Variants in CNTNAP2 observed in about 807,000 individuals in gnomAD.
CNTNAP2 encodes the protein contactin-associated protein-like 2.
A neutral mutation model predicts 155.2 loss-of-function variants in CNTNAP2; 98 were observed. The observed-to-expected ratio is 0.63, with a 90% CI of 0.54 to 0.75. The LOEUF is 0.75. CNTNAP2 is among the 30% of genes least tolerant of loss of function. CNTNAP2 has a pLI of 0.00. For synonymous variants in CNTNAP2, 651 were observed against 631.2 expected, an observed-to-expected ratio of 1.03 and a Z score of -0.47; for missense variants, 1,727 against 1,688.1, an observed-to-expected ratio of 1.02 and a Z score of -0.40.
chr7:146,821,556 G>A (rs568020078), intron 2 of CNTNAP2, among the ~76,000 whole-genome samples: 3 of 152,022 alleles, frequency 2.0e-5, no homozygotes, highest in African/African-American at 4.8e-5. Flanking sequence ...GGGAGAAAAT[G>A]TTCGCAACCT....
At chr7:147,545,029 A>G (rs1799706375) in intron 11 of CNTNAP2, among the ~76,000 whole-genome samples, 1 of 152,164 alleles carries the variant, frequency 6.6e-6, no homozygotes, top group African/African-American at 2.4e-5. Flanking sequence ...ACACACACAT[A>G]CACGTACTCA....
intron 8 of CNTNAP2, among the ~76,000 whole-genome samples, chr7:147,216,913 TA>T (rs1413203075): frequency 1.5e-4 from 23 of 152,064 alleles, no homozygotes; most frequent in Admixed American, 1.1e-3. Flanking sequence ...GGATTTTTCA[TA>T]AGCATTTCAT....
At chr7:146,359,844 A>C (rs1795057191) in intron 1 of CNTNAP2, among the ~76,000 whole-genome samples, 1 of 152,106 alleles carries the variant, frequency 6.6e-6, no homozygotes, top group Non-Finnish European at 1.5e-5. Context: ...GAAGTTTTGC[A>C]GCAGCAATAG....
chr7:147,080,040 A>G (rs927060129), intron 4 of CNTNAP2, among the ~76,000 whole-genome samples: 4 of 138,270 alleles, frequency 2.9e-5, no homozygotes, highest in Non-Finnish European at 6.1e-5. Flanking sequence ...GCTCTCTTAT[A>G]TACTAATTGG....
chr7:147,083,786 T>C (rs934741904), intron 4 of CNTNAP2, among the ~76,000 whole-genome samples: 1 of 105,134 alleles, frequency 9.5e-6, no homozygotes, highest in Non-Finnish European at 2.2e-5. Context: ...ATGTATATAT[T>C]ATATATACAT....
intron 15 of CNTNAP2, among the ~76,000 whole-genome samples, chr7:147,988,549 G>A (rs1043279957): frequency 4.6e-5 from 7 of 151,710 alleles, no homozygotes; most frequent in African/African-American, 1.7e-4. Flanking sequence ...TTATTTGTAG[G>A]GCATGACTCC....
intron 5 of CNTNAP2, among the ~76,000 whole-genome samples, chr7:147,119,152 A>G (rs1042121051): frequency 2.0e-5 from 3 of 152,182 alleles, no homozygotes; most frequent in African/African-American, 7.2e-5. Flanking sequence ...GTGCACACAC[A>G]CACACTGCAG....
chr7:146,845,293 A>G (rs933256326), intron 3 of CNTNAP2, among the ~76,000 whole-genome samples: 1 of 152,184 alleles, frequency 6.6e-6, no homozygotes, highest in African/African-American at 2.4e-5. Flanking sequence ...GTTAGCCTGT[A>G]ATTAGCCATC....
rs539061528 is a variant in CNTNAP2 at position 146,729,437 on chromosome 7, G to A, written c.98-44834G>A. 5.9e-5 allele frequency among the ~76,000 whole-genome samples: 9 copies of A among 152,038 alleles called. 1 individual carries two copies. In the South Asian group the frequency reaches 1.9e-3, roughly 32 times the overall value. On this transcript the variant is annotated intron_variant, in intron 1 of 23. Transcript: ENST00000361727. ...ACCTAGGAGGTTACTGAAGCAGTCAGTGCTAAACTATTTGTATTAAGAAAA... is the reference window on the plus strand; with the variant it reads ...ACCTAGGAGGTTACTGAAGCAGTCAATGCTAAACTATTTGTATTAAGAAAA...
intron 20 of CNTNAP2, among the ~76,000 whole-genome samples, chr7:148,257,678 G>C (rs981308135): frequency 9.9e-5 from 15 of 152,134 alleles, no homozygotes; most frequent in African/African-American, 1.7e-4. Flanking sequence ...AAGTTGCACT[G>C]AAATCAAGAC....
At chr7:147,391,207 G>A (rs1415845052) in intron 9 of CNTNAP2, among the ~76,000 whole-genome samples, 1 of 152,144 alleles carries the variant, frequency 6.6e-6, no homozygotes, top group Non-Finnish European at 1.5e-5. Flanking sequence ...GAGAAAATAA[G>A]AGAGACAAGT....
chr7:147,587,848 A>C (rs1448564212), intron 12 of CNTNAP2, among the ~76,000 whole-genome samples: 3 of 152,068 alleles, frequency 2.0e-5, no homozygotes, highest in African/African-American at 7.2e-5. Context: ...CCATCATAGC[A>C]TTGTTAGGGG....
chr7:146,332,797 T>G (rs958182055), intron 1 of CNTNAP2, among the ~76,000 whole-genome samples: 3 of 152,150 alleles, frequency 2.0e-5, no homozygotes, highest in Non-Finnish European at 2.9e-5. Flanking sequence ...TAGATTCTTG[T>G]CTGATTTTTA....
intron 1 of CNTNAP2, among the ~76,000 whole-genome samples, chr7:146,200,594 A>G (rs1393688032): frequency 6.6e-6 from 1 of 152,162 alleles, no homozygotes; most frequent in African/African-American, 2.4e-5. Flanking sequence ...GTTTTTAGAT[A>G]CACTAATGCT....
intron 3 of CNTNAP2, among the ~76,000 whole-genome samples, chr7:146,940,566 G>T (rs1272630239): frequency 6.6e-6 from 1 of 151,978 alleles, no homozygotes. Flanking sequence ...CTGTGTGTAT[G>T]TATTACCATA....
chr7:148,109,368 GTTT>G (rs1188288496), intron 15 of CNTNAP2, among the ~76,000 whole-genome samples: 3 of 144,100 alleles, frequency 2.1e-5, no homozygotes, highest in Non-Finnish European at 4.5e-5. Flanking sequence ...GTTTTGTTTT[GTTT>G]TGTTTTGTTT....
chr7:146,556,909 C>T (rs1798207036), intron 1 of CNTNAP2, among the ~76,000 whole-genome samples: 2 of 151,904 alleles, frequency 1.3e-5, no homozygotes, highest in African/African-American at 4.8e-5. Flanking sequence ...GAGCTTTAGC[C>T]CTGAGGGATA....
chr7:146,917,331 TC>T (rs912142888), intron 3 of CNTNAP2, among the ~76,000 whole-genome samples: 1 of 152,324 alleles, frequency 6.6e-6, no homozygotes, highest in Non-Finnish European at 1.5e-5. Context: ...GTCCATTTGT[TC>T]CAGGGTATAG....
chr7:146,947,404 C>CTATA (rs1415818053), intron 3 of CNTNAP2, among the ~76,000 whole-genome samples: 1 of 131,772 alleles, frequency 7.6e-6, no homozygotes, highest in Non-Finnish European at 1.6e-5. Flanking sequence ...CTCTCTCTCT[C>CTATA]TCTCTCTATA....
Sources: allele counts gnomAD v4.1 joint callset (sites outside exome capture counted in the v4.1 genomes callset), GRCh38; gene constraint gnomAD v4.1.1; transcripts MANE v1.5; gene names NCBI Gene and HGNC (gene_info 2026-07-23, HGNC 2026-07-21).